DNAJC17: variants seen among roughly 807,000 people sequenced by gnomAD.
The protein encoded by DNAJC17 is dnaJ homolog subfamily C member 17.
DNAJC17 carries 35 observed loss-of-function variants against 48.1 expected under a neutral mutation model. The observed-to-expected ratio is 0.73, with a 90% CI of 0.56 to 0.96. The LOEUF (loss-of-function observed/expected upper bound fraction) is 0.96. Among genes scored for constraint, DNAJC17 ranks in the 50% least tolerant of loss-of-function variants. DNAJC17 has a pLI of 0.00. For missense variants in DNAJC17, 355 were observed against 377.1 expected, an observed-to-expected ratio of 0.94 and a Z score of 0.48; for synonymous variants, 117 against 142.7, an observed-to-expected ratio of 0.82 and a Z score of 1.28.
chr15:40,785,684 A>T (rs1331645962), intron 1 of DNAJC17, among the ~76,000 whole-genome samples: 1 of 152,218 alleles, frequency 6.6e-6, no homozygotes. Context: ...TCCACAGTGG[A>T]TGCAGGTCAA....
intron 1 of DNAJC17, among the ~76,000 whole-genome samples, chr15:40,803,412 C>T (rs1446982185): frequency 6.6e-6 from 1 of 152,202 alleles, no homozygotes; most frequent in East Asian, 1.9e-4. Flanking sequence ...AGTGTGTTGC[C>T]ATGAAGCTAG....
rs936594664 is a variant in DNAJC17 at position 40,769,181 on chromosome 15, T to G, written c.793-1119A>C. 6.6e-6 allele frequency among the ~76,000 whole-genome samples: 1 copy of G among 152,158 alleles called. No individual in the cohort carries two copies. Among genetic ancestry groups the G allele is most frequent in the Non-Finnish European group, 1.5e-5 (1 of 68,014 alleles). ...TCTCCCCGGCTGCAGCAGTCCCAGCTAGGCCGGACTGCTAAGCCTGGCCCA... is the reference window on the plus strand; with the variant it reads ...TCTCCCCGGCTGCAGCAGTCCCAGCGAGGCCGGACTGCTAAGCCTGGCCCA... On this transcript the variant is annotated intron_variant, in intron 10 of 10. Transcript: ENST00000220496. This position sits in a 1 kb window ranked among gnomAD's most constrained non-coding sequence, Gnocchi z 4.2.
At chr15:40,794,202 T>C (rs1367646235) in intron 1 of DNAJC17, among the ~76,000 whole-genome samples, 1 of 151,398 alleles carries the variant, frequency 6.6e-6, no homozygotes, top group Non-Finnish European at 1.5e-5. Flanking sequence ...ATACAAAAAT[T>C]AGCCAGGCAT....
rs1888974148 is a variant in DNAJC17, at chr15:40,767,379, C to T, written c.*561G>A. ...CTCATGCTGATTTGCAGACGGGGCA[C>T]CCCTGTGGAGGGGCTGCTGTGGGCC... On this transcript the variant is annotated 3_prime_UTR_variant, in exon 11 of 11. Coordinates refer to ENST00000220496, the MANE Select transcript of DNAJC17 (RefSeq NM_018163.3). 6.3e-7 allele frequency: 1 copy of T among 1,580,846 alleles called. No homozygotes were observed.
At chr15:40,788,831 C>T (rs576849131) in intron 1 of DNAJC17, among the ~76,000 whole-genome samples, 1 of 152,246 alleles carries the variant, frequency 6.6e-6, no homozygotes, top group Admixed American at 6.5e-5. Flanking sequence ...TGCATGCCAG[C>T]CTGGGCAACA....
At position 40,766,581 on chromosome 15, in the gene DNAJC17, A is replaced by G. The variant is rs1187387410; in HGVS notation, c.*1359T>C. 2 of 152,306 alleles carry G rather than the reference A, an allele frequency of 1.3e-5. No homozygotes were observed. The highest frequency in any genetic ancestry group is 2.9e-5 in the Non-Finnish European group (2 of 68,074). The allele number at this position is 152,306 out of a possible 1,614,324, so 9.4% of individuals were successfully genotyped here. ...CAGAAGCCAGCCCCCTCCCTTTGCC[A>G]TGAGGCACTTGCCTCTCCATGCCCA... On this transcript the variant is annotated 3_prime_UTR_variant, in exon 11 of 11. Coordinates refer to ENST00000220496, the MANE Select transcript of DNAJC17 (RefSeq NM_018163.3).
At chr15:40,788,444 C>T (rs1334362126) in intron 1 of DNAJC17, among the ~76,000 whole-genome samples, 1 of 152,160 alleles carries the variant, frequency 6.6e-6, no homozygotes, top group Non-Finnish European at 1.5e-5. Flanking sequence ...CGCCTGTAAT[C>T]CCAGCACTTT....
intron 7 of DNAJC17, 171 bp downstream of exon 7, chr15:40,775,382 G>C (rs1022830623): frequency 1.2e-6 from 1 of 819,878 alleles, no homozygotes; most frequent in African/African-American, 1.7e-5. Flanking sequence ...AGCCTTTCGT[G>C]GCAAGCTCTG....
At chr15:40,776,744 A>G (rs1022795280) in intron 4 of DNAJC17, 117 bp from the exon 5 acceptor site, 2 of 960,058 alleles carry the variant, frequency 2.1e-6, no homozygotes, top group Admixed American at 1.9e-5. Flanking sequence ...TCATACAGTA[A>G]CTCTGCCCCC....
At chr15:40,768,124 C>T in intron 10 of DNAJC17, 62 bp from the exon 11 acceptor site, 2 of 1,474,586 alleles carry the variant, frequency 1.4e-6, no homozygotes, top group East Asian at 2.5e-5. Context: ...TCACAGACTC[C>T]GAGTACGGTG....
intron 1 of DNAJC17, among the ~76,000 whole-genome samples, chr15:40,792,893 TTC>T (rs1889842632): frequency 6.7e-6 from 1 of 148,284 alleles, no homozygotes; most frequent in African/African-American, 2.5e-5. Flanking sequence ...TGAAGATCCC[TTC>T]TTTTTTTTTT....
At chr15:40,791,570 C>T (rs1018975293) in intron 1 of DNAJC17, among the ~76,000 whole-genome samples, 2 of 150,946 alleles carry the variant, frequency 1.3e-5, no homozygotes, top group Non-Finnish European at 3.0e-5. Flanking sequence ...GGCAGCTGGT[C>T]GCAGTGGCTC....
chr15:40,786,061 G>A (rs1455106651), intron 1 of DNAJC17, among the ~76,000 whole-genome samples: 2 of 152,174 alleles, frequency 1.3e-5, no homozygotes, highest in Non-Finnish European at 2.9e-5. Context: ...CAGCCCTCCT[G>A]GAGTTGACTG....
rs957113587 is a variant in DNAJC17, at chr15:40,771,154, A to G, written c.792+2573T>C. On this transcript the variant is annotated intron_variant, in intron 10 of 10. Transcript: ENST00000220496. Reference sequence around the variant, plus strand: ...AGGCAGAGCTTCTTCATCCTGGGGGAGGATTCCAGGATAGGAATCCAGGGC... The same window carrying G: ...AGGCAGAGCTTCTTCATCCTGGGGGGGGATTCCAGGATAGGAATCCAGGGC... 2.6e-4 allele frequency: 217 copies of G among 837,272 alleles called. 4 individuals carry two copies. The East Asian group carries it at 5.6e-3, about 22-fold the overall frequency. The allele number at this position is 837,272 out of a possible 1,614,324, so 51.9% of individuals were successfully genotyped here.
intron 1 of DNAJC17, among the ~76,000 whole-genome samples, chr15:40,790,019 G>A (rs554263165): frequency 6.6e-6 from 1 of 151,442 alleles, no homozygotes; most frequent in Non-Finnish European, 1.5e-5. Context: ...CTATGCAAAT[G>A]GAAAACATTT....
intron 1 of DNAJC17, among the ~76,000 whole-genome samples, chr15:40,797,841 C>T (rs1226387121): frequency 6.6e-6 from 1 of 151,956 alleles, no homozygotes; most frequent in Middle Eastern, 3.4e-3. Flanking sequence ...CCCGCCTCAC[C>T]CCCCTGGGTA....
At chr15:40,793,815 T>C (rs776027632) in intron 1 of DNAJC17, among the ~76,000 whole-genome samples, 1 of 151,944 alleles carries the variant, frequency 6.6e-6, no homozygotes, top group Non-Finnish European at 1.5e-5. Flanking sequence ...GGACAGACTA[T>C]CATCATCCTC....
intron 4 of DNAJC17, 126 bp downstream of exon 4, chr15:40,779,097 G>T: frequency 1.1e-6 from 1 of 892,564 alleles, no homozygotes; most frequent in Non-Finnish European, 1.9e-6. Context: ...TAAGAACAGC[G>T]TTTTGCCCAG....
At chr15:40,774,899 T>C (rs1889274094) in intron 8 of DNAJC17, 132 bp downstream of exon 8, 1 of 905,514 alleles carries the variant, frequency 1.1e-6, no homozygotes, top group Non-Finnish European at 1.7e-6. Flanking sequence ...AGACGTCCCA[T>C]GGTCTATGAG....
Sources: allele counts gnomAD v4.1 joint callset (sites outside exome capture counted in the v4.1 genomes callset), GRCh38; gene constraint gnomAD v4.1.1; non-coding constraint Gnocchi (gnomAD v3.1); transcripts MANE v1.5; gene names NCBI Gene and HGNC (gene_info 2026-07-23, HGNC 2026-07-21).